Variants in CSNK1G1 observed in about 807,000 individuals in gnomAD.
The protein encoded by CSNK1G1 is casein kinase I isoform gamma-1.
CSNK1G1 carries 22 observed loss-of-function variants against 59.6 expected under a neutral mutation model. That is an observed-to-expected ratio of 0.37 (90% CI 0.26 to 0.53). The LOEUF is 0.53. Ranked by LOEUF, CSNK1G1 falls within the 20% of genes least tolerant of loss-of-function variation. The probability of loss-of-function intolerance (pLI) is 0.89; values close to 1 mark genes in which losing one functional copy is unlikely to be tolerated. For synonymous variants in CSNK1G1, 179 were observed against 177.1 expected, an observed-to-expected ratio of 1.01 and a Z score of -0.08; for missense variants, 384 against 519.5, an observed-to-expected ratio of 0.74 and a Z score of 2.54.
intron 4 of CSNK1G1, among the ~76,000 whole-genome samples, chr15:64,222,431 C>CA (rs1237338427): frequency 0.063 from 4,192 of 66,560 alleles, 214 homozygotes; most frequent in South Asian, 0.083. Context: ...ACAACAACAA[C>CA]ACCACCAAAA....
intron 1 of CSNK1G1, among the ~76,000 whole-genome samples, chr15:64,301,779 C>T (rs555912008): frequency 4.0e-5 from 6 of 151,798 alleles, no homozygotes; most frequent in Admixed American, 1.3e-4. Context: ...CCCAGCTACT[C>T]GGGAGGCTGA....
At chr15:64,199,989 A>G (rs2082087905) in intron 10 of CSNK1G1, among the ~76,000 whole-genome samples, 1 of 152,228 alleles carries the variant, frequency 6.6e-6, no homozygotes, top group African/African-American at 2.4e-5. Flanking sequence ...TCATGCCTGT[A>G]ATTGCAGCAC....
chr15:64,194,823 C>A (rs2082019480), intron 10 of CSNK1G1, among the ~76,000 whole-genome samples: 1 of 152,154 alleles, frequency 6.6e-6, no homozygotes, highest in Non-Finnish European at 1.5e-5. Context: ...ATATATTTTT[C>A]TAAGGCTTTA....
intron 1 of CSNK1G1, among the ~76,000 whole-genome samples, chr15:64,307,306 C>T (rs1420679796): frequency 6.6e-6 from 1 of 151,838 alleles, no homozygotes; most frequent in African/African-American, 2.4e-5. Flanking sequence ...AAAACTGTAC[C>T]CAAAAAATCT....
rs2082312294 is a variant in CSNK1G1 at position 64,216,418 on chromosome 15, C to G, written c.444+144G>C. ...GACTTCTCTGAATTTACCCTTTTTGCCCCAGCCAGCTTCCCAGAATGCCAT... is the reference window on the plus strand; with the variant it reads ...GACTTCTCTGAATTTACCCTTTTTGGCCCAGCCAGCTTCCCAGAATGCCAT... On this transcript the variant is annotated intron_variant, in intron 5 of 11. Coordinates refer to ENST00000303052, the MANE Select transcript of CSNK1G1 (RefSeq NM_022048.5). This position sits in a 1 kb window ranked among gnomAD's most constrained non-coding sequence, Gnocchi z 4.6. 1 of 764,236 alleles carries G rather than the reference C, an allele frequency of 1.3e-6. No homozygotes were observed. The highest frequency in any genetic ancestry group is 2.8e-5 in the Admixed American group (1 of 35,152). The allele number at this position is 764,236 out of a possible 1,614,324, so 47.3% of individuals were successfully genotyped here.
rs895609205 is a variant in CSNK1G1, at chr15:64,214,608, T to A, written c.445-484A>T. ...ATGTTGTGAGGCCCAGAGAAGTTAA[T>A]ACTGGCCTGACATCACATAGCTAAT... On this transcript the variant is annotated intron_variant, in intron 5 of 11. Transcript: ENST00000303052. The surrounding 1 kb of genome is among the most constrained non-coding windows in gnomAD (Gnocchi z 4.3). 1.3e-5 allele frequency among the ~76,000 whole-genome samples: 2 copies of A among 152,206 alleles called. No individual in the cohort carries two copies. Among genetic ancestry groups the A allele is most frequent in the African/African-American group, 4.8e-5 (2 of 41,442 alleles).
chr15:64,340,258 G>A (rs1897616034), intron 1 of CSNK1G1, among the ~76,000 whole-genome samples: 1 of 152,180 alleles, frequency 6.6e-6, no homozygotes, highest in Admixed American at 6.5e-5. Flanking sequence ...GTAACTGTAT[G>A]AAACTAATTC....
chr15:64,322,103 A>C (rs1396030656), intron 1 of CSNK1G1, among the ~76,000 whole-genome samples: 9 of 152,204 alleles, frequency 5.9e-5, no homozygotes, highest in Admixed American at 3.3e-4. Context: ...ATAAGTAGTA[A>C]ATATCTTTTG....
At chr15:64,312,142 G>T (rs1437857989) in intron 1 of CSNK1G1, among the ~76,000 whole-genome samples, 1 of 152,164 alleles carries the variant, frequency 6.6e-6, no homozygotes, top group Non-Finnish European at 1.5e-5. Flanking sequence ...TGCTCATGGA[G>T]AGGAAGAATC....
In CSNK1G1 at chr15:64,170,944, A is replaced by C. The variant is rs2081656721; in HGVS notation, c.*987T>G. 6.6e-6 allele frequency: 1 copy of C among 152,554 alleles called. No homozygotes were observed. The highest frequency in any genetic ancestry group is 2.1e-4 in the South Asian group (1 of 4,822). The allele number at this position is 152,554 out of a possible 1,614,324, so 9.5% of individuals were successfully genotyped here. ...TGCTGAGAAGATGAATGAAAATTCAAGTATGTTTTCTTGCCAACCTGAGTG... is the reference window on the plus strand; with the variant it reads ...TGCTGAGAAGATGAATGAAAATTCACGTATGTTTTCTTGCCAACCTGAGTG... On this transcript the variant is annotated 3_prime_UTR_variant, in exon 12 of 12. Transcript: ENST00000303052.
chr15:64,216,842 T>TCGA lies in CSNK1G1; in HGVS notation c.293-130_293-129insTCG. 1.1e-6 allele frequency: 1 copy of TCGA among 880,720 alleles called. No homozygotes were observed. The highest frequency in any genetic ancestry group is 2.7e-5 in the East Asian group (1 of 37,092). The allele number at this position is 880,720 out of a possible 1,614,324, so 54.6% of individuals were successfully genotyped here. A position where few individuals can be genotyped will look rare whatever the true frequency, so the allele number is the denominator to read the frequency against. On this transcript the variant is annotated intron_variant, in intron 4 of 11. Transcript: ENST00000303052. This position sits in a 1 kb window ranked among gnomAD's most constrained non-coding sequence, Gnocchi z 4.6. ...GTGAGATTTCCATTTTCTTTCATAG[T>TCGA]CCCTACTGGAAACTCAAACTGAGCA...
chr15:64,278,377 C>CGCGT (rs1555400347), intron 2 of CSNK1G1, among the ~76,000 whole-genome samples: 2 of 111,488 alleles, frequency 1.8e-5, no homozygotes, highest in Non-Finnish European at 1.8e-5. Flanking sequence ...CATGTATGTG[C>CGCGT]GTGTGTGTGT....
chr15:64,349,269 T>C (rs1009969397), intron 1 of CSNK1G1, among the ~76,000 whole-genome samples: 3 of 152,168 alleles, frequency 2.0e-5, no homozygotes, highest in African/African-American at 7.2e-5. Flanking sequence ...GATCCAATGC[T>C]ATTGTTCCCT....
intron 1 of CSNK1G1, among the ~76,000 whole-genome samples, chr15:64,304,126 GCCTATAATC>G (rs1295827636): frequency 6.6e-6 from 1 of 151,962 alleles, no homozygotes; most frequent in Non-Finnish European, 1.5e-5. Context: ...AGTGGCTCAT[GCCTATAATC>G]CCAGTACTTT....
intron 1 of CSNK1G1, among the ~76,000 whole-genome samples, chr15:64,333,433 CAAAAAAAAA>C (rs59451869): frequency 3.0e-4 from 7 of 23,086 alleles, no homozygotes; most frequent in East Asian, 1.8e-3. Flanking sequence ...GACACCATCT[CAAAAAAAAA>C]AAAAAAAAAA....
At chr15:64,318,856 CCAT>C (rs1896410841) in intron 1 of CSNK1G1, among the ~76,000 whole-genome samples, 2 of 152,100 alleles carry the variant, frequency 1.3e-5, no homozygotes, top group East Asian at 3.9e-4. Context: ...GGTGATCTAC[CCAT>C]CTCAGCCTCC....
chr15:64,296,412 C>A (rs1044957742), intron 2 of CSNK1G1, among the ~76,000 whole-genome samples: 17 of 152,180 alleles, frequency 1.1e-4, no homozygotes, highest in Non-Finnish European at 1.6e-4. Flanking sequence ...TAAGCCACTA[C>A]ACCCAGCCCC....
intron 1 of CSNK1G1, among the ~76,000 whole-genome samples, chr15:64,355,493 C>A (rs1002638970): frequency 6.6e-6 from 1 of 152,218 alleles, no homozygotes; most frequent in Non-Finnish European, 1.5e-5. Context: ...TCATTACCCA[C>A]TCTTGTGCCC....
At chr15:64,352,153 A>T (rs1398573579) in intron 1 of CSNK1G1, among the ~76,000 whole-genome samples, 1 of 151,980 alleles carries the variant, frequency 6.6e-6, no homozygotes, top group Non-Finnish European at 1.5e-5. Flanking sequence ...TAAAAATACA[A>T]AAATTAGCCA....
Sources: allele counts gnomAD v4.1 joint callset (sites outside exome capture counted in the v4.1 genomes callset), GRCh38; gene constraint gnomAD v4.1.1; non-coding constraint Gnocchi (gnomAD v3.1); transcripts MANE v1.5; gene names NCBI Gene and HGNC (gene_info 2026-07-23, HGNC 2026-07-21).